The following MGAT4C variants were observed in gnomAD, a reference collection of about 807,000 sequenced individuals.
The protein encoded by MGAT4C is alpha-1,3-mannosyl-glycoprotein 4-beta-N-acetylglucosaminyltransferase C.
Under a neutral mutation model 40.1 loss-of-function variants are expected in MGAT4C, and 19 were observed. The observed-to-expected ratio is 0.47, with a 90% CI of 0.33 to 0.70. MGAT4C has a LOEUF of 0.70. Ranked by LOEUF, MGAT4C falls within the 30% of genes least tolerant of loss-of-function variation. The pLI is 0.02. For synonymous variants in MGAT4C, 181 were observed against 187.1 expected, an observed-to-expected ratio of 0.97 and a Z score of 0.27; for missense variants, 491 against 563.2, an observed-to-expected ratio of 0.87 and a Z score of 1.30.
chr12:86,759,675 A>G (rs1951367561), intron 1 of MGAT4C, among the ~76,000 whole-genome samples: 1 of 152,054 alleles, frequency 6.6e-6, no homozygotes, highest in Non-Finnish European at 1.5e-5. Context: ...GGCCATGTGT[A>G]TTTCTTCTTC....
chr12:86,492,019 CA>C (rs1248140745), intron 2 of MGAT4C, among the ~76,000 whole-genome samples: 2 of 152,044 alleles, frequency 1.3e-5, no homozygotes, highest in East Asian at 3.9e-4. Context: ...AACAGAGAGC[CA>C]AATCACGAGT....
chr12:86,791,316 A>G (rs1167732279), intron 1 of MGAT4C, among the ~76,000 whole-genome samples: 1 of 152,202 alleles, frequency 6.6e-6, no homozygotes, highest in African/African-American at 2.4e-5. Context: ...TGAGGTTCCC[A>G]TGATATATCC....
At chr12:86,345,228 T>A (rs911549437) in intron 3 of MGAT4C, among the ~76,000 whole-genome samples, 1 of 152,070 alleles carries the variant, frequency 6.6e-6, no homozygotes, top group Non-Finnish European at 1.5e-5. Flanking sequence ...TGTTTGCTTA[T>A]TTTTTATGCT....
intron 3 of MGAT4C, among the ~76,000 whole-genome samples, chr12:86,428,352 A>G (rs1956971823): frequency 6.6e-6 from 1 of 152,178 alleles, no homozygotes; most frequent in Non-Finnish European, 1.5e-5. Flanking sequence ...ATGTATCTAC[A>G]GAGAGCAGGA....
At chr12:85,997,519 A>G (rs1886761903) in intron 2 of MGAT4C, among the ~76,000 whole-genome samples, 1 of 152,204 alleles carries the variant, frequency 6.6e-6, no homozygotes, top group South Asian at 2.1e-4. Flanking sequence ...AGACTGTAAA[A>G]TCAAAGCAAG....
At chr12:86,585,101 A>G (rs894267388) in intron 2 of MGAT4C, among the ~76,000 whole-genome samples, 1 of 151,376 alleles carries the variant, frequency 6.6e-6, no homozygotes, top group Non-Finnish European at 1.5e-5. Context: ...TTAAAAACTA[A>G]AATTTTAATT....
At chr12:86,057,134 A>G (rs1893482982) in intron 1 of MGAT4C, among the ~76,000 whole-genome samples, 1 of 152,006 alleles carries the variant, frequency 6.6e-6, no homozygotes, top group Non-Finnish European at 1.5e-5. Context: ...TGCAGATTCC[A>G]TAATAATGTA....
At chr12:86,283,362 A>T (rs933054241) in intron 4 of MGAT4C, among the ~76,000 whole-genome samples, 2 of 152,014 alleles carry the variant, frequency 1.3e-5, no homozygotes, top group Non-Finnish European at 2.9e-5. Context: ...TGTCATGGAC[A>T]TAAGTGGAAA....
intron 1 of MGAT4C, among the ~76,000 whole-genome samples, chr12:86,056,387 C>A (rs1829075504): frequency 6.6e-6 from 1 of 152,162 alleles, no homozygotes; most frequent in South Asian, 2.1e-4. Context: ...CTCCTCCACT[C>A]CTCCACCCCC....
intron 1 of MGAT4C, among the ~76,000 whole-genome samples, chr12:86,730,830 A>C (rs1950896306): frequency 6.6e-6 from 1 of 152,128 alleles, no homozygotes; most frequent in African/African-American, 2.4e-5. Context: ...CCTTTTAAAA[A>C]ATATTTTTAT....
chr12:86,223,811 AC>A (rs998355100), intron 1 of MGAT4C, among the ~76,000 whole-genome samples: 25 of 152,164 alleles, frequency 1.6e-4, no homozygotes, highest in African/African-American at 5.1e-4. Context: ...ACTTGCCCAG[AC>A]TACCATAGCT....
At chr12:86,480,073 A>G (rs1957906871) in intron 2 of MGAT4C, among the ~76,000 whole-genome samples, 1 of 151,816 alleles carries the variant, frequency 6.6e-6, no homozygotes, top group Non-Finnish European at 1.5e-5. Flanking sequence ...TTTAAAATCT[A>G]TGCTTCTATT....
At chr12:86,711,864 A>G (rs1299138296) in intron 2 of MGAT4C, among the ~76,000 whole-genome samples, 1 of 152,170 alleles carries the variant, frequency 6.6e-6, no homozygotes, top group East Asian at 1.9e-4. Flanking sequence ...AAGAATTTCA[A>G]AACAGCAACA....
chr12:86,272,996 G>A (rs913398382), intron 4 of MGAT4C, among the ~76,000 whole-genome samples: 3 of 152,074 alleles, frequency 2.0e-5, no homozygotes, highest in African/African-American at 7.2e-5. Flanking sequence ...TATTAATGAA[G>A]TGTCCATTAA....
intron 2 of MGAT4C, among the ~76,000 whole-genome samples, chr12:86,457,700 C>A (rs1592870799): frequency 6.6e-6 from 1 of 152,080 alleles, no homozygotes; most frequent in Non-Finnish European, 1.5e-5. Context: ...AGACTTTAGA[C>A]TCTAGAGGCT....
intron 2 of MGAT4C, among the ~76,000 whole-genome samples, chr12:86,717,786 G>T (rs1950669931): frequency 6.6e-6 from 1 of 152,140 alleles, no homozygotes; most frequent in South Asian, 2.1e-4. Flanking sequence ...ACTTATATAT[G>T]TATGGGTAGC....
Position 85,975,319 on chromosome 12 carries a change from A to G in MGAT4C, c.*3970T>C, listed in dbSNP as rs1304206760. 6.6e-6 allele frequency: 1 copy of G among 151,052 alleles called. No homozygotes were observed. The highest frequency in any genetic ancestry group is 1.5e-5 in the Non-Finnish European group (1 of 67,168). 9.4% of individuals were successfully genotyped at this position (151,052 alleles called of 1,614,324 possible). On this transcript the variant is annotated 3_prime_UTR_variant, in exon 5 of 5. Transcript: ENST00000611864. Reference sequence around the variant, plus strand: ...CTCTGGTAATGTTTTCCAGGGTCATATCCTGTTACATATACGTGACATGGA... The same window carrying G: ...CTCTGGTAATGTTTTCCAGGGTCATGTCCTGTTACATATACGTGACATGGA...
chr12:85,968,884 C>T lies in MGAT4C; in HGVS notation c.*10405G>A, dbSNP rs760787499. On this transcript the variant is annotated 3_prime_UTR_variant, in exon 5 of 5. Coordinates refer to ENST00000611864, the MANE Select transcript of MGAT4C (RefSeq NM_001351288.2). ...GTTAATAATGTTGAGATGAACTGGG[C>T]TTAATATTTCACTAACAAGGTCAGA... is the stretch of plus-strand genomic sequence containing the variant. 1 of 151,788 alleles carries T rather than the reference C, an allele frequency of 6.6e-6. No individual in the cohort carries two copies. The highest frequency in any genetic ancestry group is 1.5e-5 in the Non-Finnish European group (1 of 67,776). 9.4% of individuals were successfully genotyped at this position (151,788 alleles called of 1,614,324 possible).
rs35225939 is a variant in MGAT4C, at chr12:86,484,502, G to A, written c.-228-49237C>T. Among the ~76,000 whole-genome samples, 361 of 152,310 alleles carry A rather than the reference G, an allele frequency of 2.4e-3. 2 individuals are homozygous for A. Among genetic ancestry groups the A allele is most frequent in the Non-Finnish European group, 4.4e-3 (302 of 68,028 alleles). On this transcript the variant is annotated intron_variant, in intron 2 of 7. Coordinates refer to the MGAT4C transcript ENST00000548651. ...CACCTGAGTACTTTCCCAGTAGGCT[G>A]AGAGTAGTTAGGATCCCCCAACACA... is the stretch of plus-strand genomic sequence containing the variant.
Sources: gnomAD v4.1 joint callset for allele counts (sites outside exome capture counted in the v4.1 genomes callset) on GRCh38, gnomAD v4.1.1 for gene constraint, MANE v1.5 for transcripts, NCBI Gene and HGNC (gene_info 2026-07-23, HGNC 2026-07-21) for gene names.